Variants in PRCC observed in about 807,000 individuals in gnomAD.
PRCC encodes proline-rich protein PRCC.
Under a neutral mutation model 44.0 loss-of-function variants are expected in PRCC, and 10 were observed. The ratio of observed to expected loss-of-function variants is 0.23; its 90% CI spans 0.14 to 0.39. PRCC has a LOEUF of 0.39. PRCC is among the 10% of genes least tolerant of loss of function. The probability of loss-of-function intolerance (pLI) is 1.00; values close to 1 mark genes in which losing one functional copy is unlikely to be tolerated. For synonymous variants in PRCC, 278 were observed against 259.5 expected, an observed-to-expected ratio of 1.07 and a Z score of -0.69; for missense variants, 573 against 624.7, an observed-to-expected ratio of 0.92 and a Z score of 0.88.
Position 156,767,985 on chromosome 1 carries a change from A to G in PRCC, c.214A>G (p.Thr72Ala). ...FPPPLLLPPPTGDPRLQPPPP... is the reference protein window; with the variant it reads ...FPPPLLLPPPAGDPRLQPPPP... ...CCCGCCGCTGTTGCTTCCCCCACCC[A>G]CCGGAGACCCCAGGCTTCAGCCTCC... Residue 72 changes from threonine (T) to alanine (A), a missense_variant, in exon 1 of 7, where the codon ACC (threonine) becomes GCC (alanine). Thr to Ala is a moderately conservative substitution (Grantham distance 58). Coordinates refer to ENST00000271526, the MANE Select transcript of PRCC (RefSeq NM_005973.5). 4 of 1,534,900 alleles carry G rather than the reference A, an allele frequency of 2.6e-6. No individual in the cohort carries two copies. Among genetic ancestry groups the G allele is most frequent in the Non-Finnish European group, 3.5e-6 (4 of 1,137,818 alleles).
At chr1:156,775,337 C>G (rs555645164) in intron 1 of PRCC, among the ~76,000 whole-genome samples, 33 of 151,562 alleles carry the variant, frequency 2.2e-4, no homozygotes, top group African/African-American at 7.3e-4. Flanking sequence ...ATCCTCCTGC[C>G]TCATTTTTCT....
chr1:156,791,685 G>T lies in PRCC; in HGVS notation c.1084-12G>T, dbSNP rs1289082295. On this transcript the variant is annotated splice_polypyrimidine_tract_variant and intron_variant, in intron 3 of 6. Coordinates refer to ENST00000271526, the MANE Select transcript of PRCC (RefSeq NM_005973.5). ...CTCAGTTGGTGTGTTTTTCTTTCCT[G>T]TTTGGCTGCAGGATTATTACAGTGG... 1 of 1,605,918 alleles carries T rather than the reference G, an allele frequency of 6.2e-7. No individual in the cohort carries two copies. The highest frequency in any genetic ancestry group is 1.1e-5 in the South Asian group (1 of 89,686).
intron 6 of PRCC, among the ~76,000 whole-genome samples, chr1:156,797,845 A>C (rs907179785): frequency 2.6e-5 from 4 of 152,228 alleles, no homozygotes; most frequent in African/African-American, 9.6e-5. Flanking sequence ...GTATTTATTT[A>C]ATATGACTGG....
At chr1:156,798,919 A>G (rs11264556) in intron 6 of PRCC, among the ~76,000 whole-genome samples, 58,905 of 151,606 alleles carry the variant, frequency 0.39, 12,249 homozygotes, top group African/African-American at 0.53. Context: ...TTTTACTGTG[A>G]TATGCAACAT....
intron 1 of PRCC, among the ~76,000 whole-genome samples, chr1:156,771,954 T>A (rs184181443): frequency 5.9e-5 from 9 of 152,270 alleles, no homozygotes; most frequent in African/African-American, 2.2e-4. Context: ...TTTTAAAAAA[T>A]TTGTTTTATT....
chr1:156,779,041 C>G (rs1442792018), intron 1 of PRCC, among the ~76,000 whole-genome samples: 1 of 142,486 alleles, frequency 7.0e-6, no homozygotes, highest in East Asian at 2.0e-4. Flanking sequence ...CTCAGGTGTT[C>G]CCCCGCCTCA....
intron 4 of PRCC, among the ~76,000 whole-genome samples, chr1:156,792,059 T>C (rs1426070584): frequency 2.7e-5 from 3 of 111,256 alleles, no homozygotes; most frequent in Admixed American, 8.4e-5. Flanking sequence ...CCTTCTTTTT[T>C]TTTTTTTTTT....
intron 3 of PRCC, among the ~76,000 whole-genome samples, chr1:156,787,629 C>T (rs940311125): frequency 1.6e-4 from 15 of 94,790 alleles, no homozygotes; most frequent in African/African-American, 6.7e-4. Flanking sequence ...GAGCATAGTA[C>T]CTGATAGGTA....
chr1:156,786,795 C>T lies in PRCC; in HGVS notation c.704C>T (p.Thr235Ile), dbSNP rs992012007. ...TCCTCTCTTGCCCCTGTTGTGGGCA[C>T]CACAACCACCACTCCGTCGCCCTCT... ...KTSSLAPVVG[T>I]TTTTPSPSAI... Residue 235 changes from threonine to isoleucine, a missense_variant, in exon 3 of 7, where the codon ACC (threonine) becomes ATC (isoleucine). Physicochemically the swap from Thr to Ile is moderately conservative, Grantham distance 89. Transcript: ENST00000271526. The T allele has an allele frequency of 1.1e-5, 17 of 1,614,240 alleles. No individual in the cohort carries two copies. Among genetic ancestry groups the T allele is most frequent in the Non-Finnish European group, 1.4e-5 (17 of 1,180,038 alleles).
chr1:156,777,519 C>T (rs1012269647), intron 1 of PRCC, among the ~76,000 whole-genome samples: 24 of 150,236 alleles, frequency 1.6e-4, no homozygotes, highest in Non-Finnish European at 2.7e-4. Flanking sequence ...ATTTCCCTTA[C>T]GGGTTAAAAA....
chr1:156,768,147 A>G lies in PRCC; in HGVS notation c.376A>G (p.Ile126Val), dbSNP rs113714123. 6.4e-6 allele frequency: 10 copies of G among 1,560,712 alleles called. No individual in the cohort carries two copies. Among genetic ancestry groups the G allele is most frequent in the African/African-American group, 4.1e-5 (3 of 73,940 alleles). The change falls in exon 1 of 7, where the codon ATT becomes GTT. Residue 126 changes from isoleucine to valine, a missense_variant. Ile to Val is a conservative substitution (Grantham distance 29, BLOSUM62 3). Transcript: ENST00000271526. ...RGPGLNLPPP[I>V]GGAGPPLGLP... ...CCCTGGCCTCAATCTGCCCCCTCCA[A>G]TTGGCGGTGCCGGTCCCCCGCTGGG... is the stretch of plus-strand genomic sequence containing the variant.
intron 3 of PRCC, 172 bp from the exon 4 acceptor site, chr1:156,791,525 G>T: frequency 1.6e-6 from 1 of 606,488 alleles, no homozygotes; most frequent in Non-Finnish European, 2.9e-6. Flanking sequence ...TTCTTGAGTT[G>T]TAGGTCGGTC....
chr1:156,790,959 GA>G, intron 3 of PRCC: 3 of 548,908 alleles, frequency 5.5e-6, no homozygotes, highest in South Asian at 4.6e-5. Flanking sequence ...CGAAGTGGAA[GA>G]ATTAGGAAAA....
chr1:156,786,887 G>A lies in PRCC; in HGVS notation c.796G>A (p.Asp266Asn). The change falls in exon 3 of 7, where the codon GAC becomes AAC. Residue 266 changes from aspartate (D) to asparagine (N), a missense_variant. By Grantham distance (23) the Asp-to-Asn change is conservative. This residue lies in a region of PRCC where 118 missense variants were observed against 166.7 expected (regional missense o/e 0.71). Transcript: ENST00000271526. Reference protein sequence around the residue: ...VTKQITQEEDDSDEEVAPENF... With the variant: ...VTKQITQEEDNSDEEVAPENF... The stretch of plus-strand genomic sequence containing the variant: ...AAAGCAGATCACGCAGGAAGAAGAC[G>A]ACAGTGATGAGGAAGTAGCCCCCGA... 2.5e-6 allele frequency: 4 copies of A among 1,614,234 alleles called. No homozygotes were observed. The highest frequency in any genetic ancestry group is 3.4e-6 in the Non-Finnish European group (4 of 1,180,046).
chr1:156,782,904 A>G (rs868006170), intron 2 of PRCC, among the ~76,000 whole-genome samples: 1 of 152,078 alleles, frequency 6.6e-6, no homozygotes. Context: ...CAATCAGACA[A>G]TATATATATT....
chr1:156,798,153 C>CAGGCT (rs1208133106), intron 6 of PRCC, among the ~76,000 whole-genome samples: 3 of 152,142 alleles, frequency 2.0e-5, no homozygotes, highest in Non-Finnish European at 4.4e-5. Context: ...CTGTGTAGCC[C>CAGGCT]AGGCTATGTG....
intron 2 of PRCC, among the ~76,000 whole-genome samples, chr1:156,784,108 G>A (rs1252267440): frequency 5.3e-5 from 8 of 151,980 alleles, no homozygotes; most frequent in Admixed American, 3.9e-4. Context: ...CACCACACCC[G>A]GCTAATTTTT....
intron 3 of PRCC, 32 bp downstream of exon 3, chr1:156,787,206 A>T: frequency 6.4e-7 from 1 of 1,560,488 alleles, no homozygotes; most frequent in South Asian, 1.2e-5. Flanking sequence ...CAGGCGAGGG[A>T]ATGTTGGAAC....
intron 4 of PRCC, among the ~76,000 whole-genome samples, chr1:156,792,486 C>T (rs1169865826): frequency 6.6e-6 from 1 of 152,064 alleles, no homozygotes; most frequent in Non-Finnish European, 1.5e-5. Context: ...CTTGCTTTGT[C>T]GCCCAGGCTG....
Sources: allele counts gnomAD v4.1 joint callset (sites outside exome capture counted in the v4.1 genomes callset), GRCh38; gene constraint gnomAD v4.1.1; regional missense constraint gnomAD v4.1.1; transcripts MANE v1.5; gene names NCBI Gene and HGNC (gene_info 2026-07-23, HGNC 2026-07-21).